CXADR: variants seen among roughly 807,000 people sequenced by gnomAD.
The protein encoded by CXADR is coxsackievirus and adenovirus receptor.
CXADR carries 20 observed loss-of-function variants against 40.3 expected under a neutral mutation model. That is an observed-to-expected ratio of 0.50 (90% confidence interval 0.35 to 0.72). The LOEUF (loss-of-function observed/expected upper bound fraction) is 0.72. Ranked by LOEUF, CXADR falls within the 30% of genes least tolerant of loss-of-function variation. The pLI is 0.01. For synonymous variants in CXADR, 150 were observed against 161.3 expected (o/e 0.93, Z 0.53); for missense variants, 332 against 449.1 (o/e 0.74, Z 2.36).
chr21:17,518,568 G>A (rs1280788657), intron 1 of CXADR: 30 of 1,212,742 alleles, frequency 2.5e-5, no homozygotes, highest in East Asian at 9.3e-5. Context: ...CTACAAGATC[G>A]GGAACATCAT....
Position 17,533,824 on chromosome 21 carries a change from C to G in CXADR, c.44-13203C>G, listed in dbSNP as rs75406960. On this transcript the variant is annotated intron_variant, in intron 1 of 6. Coordinates refer to ENST00000284878, the MANE Select transcript of CXADR (RefSeq NM_001338.5). The stretch of plus-strand genomic sequence containing the variant: ...GATATTTGAAAAGTACAAAGAAGAG[C>G]AAGTGTGTATACTTATGCCATTTCT... Among the ~76,000 whole-genome samples the G allele has an allele frequency of 1.5e-3, 224 of 151,776 alleles. 6 individuals are homozygous for G. In the East Asian group the frequency reaches 0.038, roughly 26 times the overall value.
rs976532638 is a variant in CXADR at position 17,577,640 on chromosome 21, T to A, written c.1017+12029T>A. Among the ~76,000 whole-genome samples the A allele has an allele frequency of 9.4e-4, 108 of 114,622 alleles. 1 individual carries two copies. The East Asian group carries it at 0.02, about 21-fold the overall frequency. 75.2% of individuals were successfully genotyped at this position (114,622 alleles called of 152,430 possible). A position where few individuals can be genotyped will look rare whatever the true frequency, so the allele number is the denominator to read the frequency against. On this transcript the variant is annotated intron_variant, in intron 7 of 7. Transcript: ENST00000400169. ...TTTTTTTTTTTTTTTTTTTTTTTTT[T>A]AACTGATGCATTGATCTCTAGAACA...
chr21:17,524,900 C>A (rs549853490), intron 1 of CXADR, among the ~76,000 whole-genome samples: 6 of 152,182 alleles, frequency 3.9e-5, no homozygotes, highest in Non-Finnish European at 5.9e-5. Context: ...CAGAGTGAAA[C>A]CCTGTGTCCA....
chr21:17,538,502 CT>C (rs929188915), intron 1 of CXADR, among the ~76,000 whole-genome samples: 4 of 152,072 alleles, frequency 2.6e-5, no homozygotes, highest in African/African-American at 9.7e-5. Flanking sequence ...TCAGTGACGT[CT>C]TTTTTACAAA....
chr21:17,622,261 A>G, the CXADR span, among the ~76,000 whole-genome samples: 1 of 152,184 alleles, frequency 6.6e-6, no homozygotes, highest in Non-Finnish European at 1.5e-5. Context: ...ATGTTACCGT[A>G]AAGAGCTTGT....
At chr21:17,546,463 C>T (rs966028771) in intron 1 of CXADR, among the ~76,000 whole-genome samples, 1 of 152,200 alleles carries the variant, frequency 6.6e-6, no homozygotes, top group African/African-American at 2.4e-5. Context: ...AGGAAACTTA[C>T]AATCATGGCA....
intron 7 of CXADR, among the ~76,000 whole-genome samples, chr21:17,586,564 G>T (rs2061397942): frequency 1.3e-5 from 2 of 151,458 alleles, no homozygotes; most frequent in Non-Finnish European, 2.9e-5. Flanking sequence ...GCCTCCCAAA[G>T]TGCTGAGATT....
intron 1 of CXADR, chr21:17,530,255 G>A (rs2060655740): frequency 3.6e-6 from 1 of 279,624 alleles, no homozygotes; most frequent in African/African-American, 2.3e-5. Flanking sequence ...GTGAGCCACT[G>A]GGCCCGGCCT....
rs1269027294 is a variant in CXADR at position 17,569,661 on chromosome 21, ACCCCAGC to A, written c.*3971_*3977del. On this transcript the variant is annotated 3_prime_UTR_variant, in exon 7 of 7. Transcript: ENST00000284878. ...CTGATCATTTATCTTATAGCAGATA[ACCCCAGC>A]CTCTTATTCATTATGGTTAACTTTT... 2.1e-6 allele frequency: 2 copies of A among 972,494 alleles called. No individual in the cohort carries two copies. The highest frequency in any genetic ancestry group is 1.2e-4 in the Admixed American group (2 of 16,212). 60.2% of individuals were successfully genotyped at this position (972,494 alleles called of 1,614,324 possible).
the CXADR span, chr21:17,604,355 G>A: frequency 1.1e-4 from 23 of 201,126 alleles, no homozygotes; most frequent in East Asian, 4.0e-3. Context: ...TGAGGCAGGA[G>A]AATCACTTGA....
chr21:17,532,182 C>T (rs954713421), intron 1 of CXADR, among the ~76,000 whole-genome samples: 11 of 152,048 alleles, frequency 7.2e-5, no homozygotes, highest in African/African-American at 2.2e-4. Context: ...GTCTTCCTGC[C>T]CCAACCTCCC....
At chr21:17,575,667 A>G (rs2737881) in intron 7 of CXADR, among the ~76,000 whole-genome samples, 132,414 of 151,078 alleles carry the variant, frequency 0.88, 58,034 homozygotes, top group South Asian at 0.9. Context: ...ATTTTTTTTT[A>G]TATTTTTAGT....
chr21:17,519,708 C>G (rs1360172003), intron 1 of CXADR, among the ~76,000 whole-genome samples: 1 of 152,152 alleles, frequency 6.6e-6, no homozygotes, highest in Non-Finnish European at 1.5e-5. Flanking sequence ...CCTCTTGTAT[C>G]CATCATGGTA....
At chr21:17,588,114 C>T (rs567940235) in intron 7 of CXADR, among the ~76,000 whole-genome samples, 72 of 152,234 alleles carry the variant, frequency 4.7e-4, no homozygotes, top group Non-Finnish European at 7.2e-4. Context: ...GGCACCAATA[C>T]CATGCTGTTT....
intron 1 of CXADR, among the ~76,000 whole-genome samples, chr21:17,532,029 C>A (rs2060684193): frequency 1.3e-5 from 2 of 151,662 alleles, no homozygotes; most frequent in South Asian, 4.2e-4. Context: ...GCAGCCTCGA[C>A]CTCCCAGGCT....
Position 17,568,557 on chromosome 21 carries a change from C to CTTTTT in CXADR, c.*2878_*2882dup, listed in dbSNP as rs71333559. 1.1e-6 allele frequency: 1 copy of CTTTTT among 879,874 alleles called. No individual in the cohort carries two copies. The highest frequency in any genetic ancestry group is 1.3e-6 in the Non-Finnish European group (1 of 744,580). 54.5% of individuals were successfully genotyped at this position (879,874 alleles called of 1,614,324 possible). A position where few individuals can be genotyped will look rare whatever the true frequency, so the allele number is the denominator to read the frequency against. On this transcript the variant is annotated 3_prime_UTR_variant, in exon 7 of 7. Transcript: ENST00000284878. ...TTACTGTAGAATATATAGTTCTGTA[C>CTTTTT]TTTTTTTTTTTTTTTTTAAGAGATA...
intron 1 of CXADR, among the ~76,000 whole-genome samples, chr21:17,531,589 A>T (rs897985099): frequency 6.2e-4 from 94 of 152,134 alleles, no homozygotes; most frequent in Non-Finnish European, 1.8e-4. Flanking sequence ...TCCTCCTCAC[A>T]GGTGTCTCAG....
At chr21:17,626,388 T>C in the CXADR span, among the ~76,000 whole-genome samples, 1 of 152,206 alleles carries the variant, frequency 6.6e-6, no homozygotes, top group Admixed American at 6.5e-5. Flanking sequence ...GGGGTGGTGA[T>C]AATGGTATTT....
the CXADR span, chr21:17,626,887 A>G: frequency 6.6e-6 from 1 of 152,232 alleles, no homozygotes; most frequent in Admixed American, 6.5e-5. Flanking sequence ...CCCCATTATC[A>G]TATAGGTAAA....
Sources: allele counts gnomAD v4.1 joint callset (sites outside exome capture counted in the v4.1 genomes callset), GRCh38; gene constraint gnomAD v4.1.1; transcripts MANE v1.5; gene names NCBI Gene and HGNC (gene_info 2026-07-23, HGNC 2026-07-21).